The following CTNNA2 variants were observed in gnomAD, a reference collection of about 807,000 sequenced individuals.
CTNNA2 encodes the protein catenin alpha-2.
In CTNNA2, 42 loss-of-function variants were observed where a neutral mutation model predicts 101.0. That is an observed-to-expected ratio of 0.42 (90% CI 0.32 to 0.54). The LOEUF (loss-of-function observed/expected upper bound fraction) is 0.54, where lower values mean the gene tolerates loss of function less well. Ranked by LOEUF, CTNNA2 falls within the 20% of genes least tolerant of loss-of-function variation. The probability of loss-of-function intolerance (pLI) is 0.14; values close to 1 mark genes in which losing one functional copy is unlikely to be tolerated. For missense variants in CTNNA2, 871 were observed against 1,223.1 expected (o/e 0.71, Z 4.29); for synonymous variants, 450 against 456.4 (o/e 0.99, Z 0.18).
intron 4 of CTNNA2, among the ~76,000 whole-genome samples, chr2:79,481,026 A>T (rs989291008): frequency 9.9e-5 from 15 of 152,084 alleles, no homozygotes; most frequent in African/African-American, 3.6e-4. Context: ...AGTAGCTATT[A>T]TCTTTTATTT....
chr2:79,364,855 C>T (rs1293591298), intron 3 of CTNNA2, among the ~76,000 whole-genome samples: 2 of 152,190 alleles, frequency 1.3e-5, no homozygotes, highest in African/African-American at 4.8e-5. Context: ...TATTTCTTAA[C>T]TTTTATTTAA....
At chr2:79,884,943 T>G (rs923639352) in intron 6 of CTNNA2, among the ~76,000 whole-genome samples, 1 of 152,062 alleles carries the variant, frequency 6.6e-6, no homozygotes, top group Non-Finnish European at 1.5e-5. Flanking sequence ...AATTGTCTAC[T>G]GGGGGAGCAC....
intron 2 of CTNNA2, among the ~76,000 whole-genome samples, chr2:79,276,091 G>T (rs776545988): frequency 6.6e-6 from 1 of 151,950 alleles, no homozygotes; most frequent in Non-Finnish European, 1.5e-5. Flanking sequence ...AACAGAATAC[G>T]CAAATAAACT....
intron 7 of CTNNA2, among the ~76,000 whole-genome samples, chr2:80,349,311 T>C (rs1323778969): frequency 6.6e-6 from 1 of 152,200 alleles, no homozygotes; most frequent in Non-Finnish European, 1.5e-5. Context: ...GGCTTCATGT[T>C]TCTCCATAGC....
chr2:79,966,794 T>C (rs908982469), intron 7 of CTNNA2, among the ~76,000 whole-genome samples: 3 of 152,200 alleles, frequency 2.0e-5, no homozygotes, highest in African/African-American at 7.2e-5. Flanking sequence ...GTGATTACTA[T>C]GCCTTTATTG....
intron 2 of CTNNA2, among the ~76,000 whole-genome samples, chr2:79,312,173 T>A (rs1399079890): frequency 6.6e-6 from 1 of 152,130 alleles, no homozygotes; most frequent in African/African-American, 2.4e-5. Flanking sequence ...CCTCTCAAAG[T>A]GCTGGGATTA....
chr2:79,475,060 A>G (rs1349400536), intron 4 of CTNNA2, among the ~76,000 whole-genome samples: 4 of 152,104 alleles, frequency 2.6e-5, no homozygotes, highest in African/African-American at 9.7e-5. Flanking sequence ...ACATAGAACA[A>G]AAGTTATCTC....
chr2:79,347,734 A>T (rs1179303558), intron 3 of CTNNA2, among the ~76,000 whole-genome samples: 1 of 151,814 alleles, frequency 6.6e-6, no homozygotes, highest in Non-Finnish European at 1.5e-5. Flanking sequence ...TGACCACTCT[A>T]AAATACTCGG....
chr2:79,487,879 A>C (rs990481771), intron 4 of CTNNA2, among the ~76,000 whole-genome samples: 4 of 152,212 alleles, frequency 2.6e-5, no homozygotes, highest in African/African-American at 7.2e-5. Flanking sequence ...TAAGGTATGA[A>C]TATTAAGTAA....
intron 2 of CTNNA2, among the ~76,000 whole-genome samples, chr2:79,702,414 T>C (rs1685073700): frequency 6.6e-6 from 1 of 152,094 alleles, no homozygotes; most frequent in Non-Finnish European, 1.5e-5. Flanking sequence ...ACAGAGACCA[T>C]AGGGTCTACA....
intron 7 of CTNNA2, among the ~76,000 whole-genome samples, chr2:80,096,846 T>C (rs914868973): frequency 7.9e-5 from 12 of 152,200 alleles, no homozygotes; most frequent in African/African-American, 2.4e-4. Context: ...TTTTTTTCTT[T>C]TCCATTTGCT....
At chr2:79,298,071 G>A (rs1676024129) in intron 2 of CTNNA2, among the ~76,000 whole-genome samples, 1 of 152,142 alleles carries the variant, frequency 6.6e-6, no homozygotes, top group Non-Finnish European at 1.5e-5. Context: ...TTGCTATAAA[G>A]GAAATACCTG....
intron 7 of CTNNA2, among the ~76,000 whole-genome samples, chr2:80,293,832 T>C (rs1293446485): frequency 1.3e-5 from 2 of 152,142 alleles, no homozygotes; most frequent in South Asian, 2.1e-4. Flanking sequence ...TGGAAAGAAT[T>C]GATGCCTATT....
intron 3 of CTNNA2, among the ~76,000 whole-genome samples, chr2:79,750,641 T>C (rs1411266805): frequency 6.6e-6 from 1 of 152,132 alleles, no homozygotes; most frequent in East Asian, 1.9e-4. Context: ...GGCGGGCAGA[T>C]CACGAGGTTA....
chr2:80,288,071 C>A (rs918573510), intron 7 of CTNNA2, among the ~76,000 whole-genome samples: 2 of 152,074 alleles, frequency 1.3e-5, no homozygotes, highest in Non-Finnish European at 2.9e-5. Context: ...ACCTCAAAAC[C>A]CATTTTTGGG....
chr2:79,860,172 A>C lies in CTNNA2; in HGVS notation c.465+1993A>C, dbSNP rs143857524. Among the ~76,000 whole-genome samples the C allele has an allele frequency of 3.7e-3, 563 of 152,312 alleles. 3 individuals carry two copies. The highest frequency in any genetic ancestry group is 3.2e-3 in the Admixed American group (49 of 15,296). ...CCCTTACAGCCTAGTTAGTCTCCGA[A>C]GGCGATATTTTTAGATAAGTCTTTC... On this transcript the variant is annotated intron_variant, in intron 4 of 18. Transcript: ENST00000402739.
intron 9 of CTNNA2, among the ~76,000 whole-genome samples, chr2:80,451,271 A>G (rs1683483804): frequency 1.3e-5 from 2 of 152,302 alleles, no homozygotes; most frequent in Admixed American, 6.5e-5. Flanking sequence ...AGTTACCCTC[A>G]TGCCATTCTC....
intron 7 of CTNNA2, among the ~76,000 whole-genome samples, chr2:79,977,907 A>G (rs1197972916): frequency 6.6e-6 from 1 of 152,066 alleles, no homozygotes; most frequent in Non-Finnish European, 1.5e-5. Context: ...TTTACTGAGT[A>G]CCTGTTGGGT....
intron 7 of CTNNA2, among the ~76,000 whole-genome samples, chr2:80,266,973 T>C (rs1267541713): frequency 6.6e-6 from 1 of 152,162 alleles, no homozygotes; most frequent in Non-Finnish European, 1.5e-5. Context: ...TCTAGAATGG[T>C]GTTATTTTTG....
Sources: allele counts gnomAD v4.1 joint callset (sites outside exome capture counted in the v4.1 genomes callset), GRCh38; gene constraint gnomAD v4.1.1; transcripts MANE v1.5; gene names NCBI Gene and HGNC (gene_info 2026-07-23, HGNC 2026-07-21).